MAD1L1: variants seen among roughly 807,000 people sequenced by gnomAD.
The protein encoded by MAD1L1 is mitotic spindle assembly checkpoint protein MAD1.
In MAD1L1, 95 loss-of-function variants were observed where a neutral mutation model predicts 96.9. That is an observed-to-expected ratio of 0.98 (90% CI 0.83 to 1.16). The LOEUF (loss-of-function observed/expected upper bound fraction) is 1.16, where lower values mean the gene tolerates loss of function less well. MAD1L1 is among the 50% of genes most tolerant of loss of function. The probability of loss-of-function intolerance (pLI) is 0.00; values close to 1 mark genes in which losing one functional copy is unlikely to be tolerated. For missense variants in MAD1L1, 1,007 were observed against 954.4 expected, an observed-to-expected ratio of 1.06 and a Z score of -0.73; for synonymous variants, 473 against 396.6, an observed-to-expected ratio of 1.19 and a Z score of -2.29.
chr7:2,185,708 G>A (rs1453820816), intron 10 of MAD1L1, among the ~76,000 whole-genome samples: 3 of 152,096 alleles, frequency 2.0e-5, no homozygotes, highest in Non-Finnish European at 2.9e-5. Context: ...ATCCTGGGAA[G>A]CTAGTGTGAC....
At chr7:2,190,532 G>A (rs996849498) in intron 10 of MAD1L1, among the ~76,000 whole-genome samples, 3 of 152,124 alleles carry the variant, frequency 2.0e-5, no homozygotes, top group Non-Finnish European at 4.4e-5. Flanking sequence ...AGGAAGCCAC[G>A]TACCGGGAGA....
At chr7:2,117,210 G>A (rs899449850) in intron 11 of MAD1L1, among the ~76,000 whole-genome samples, 4 of 152,212 alleles carry the variant, frequency 2.6e-5, no homozygotes, top group African/African-American at 7.2e-5. Context: ...GGGGGCCACC[G>A]TCAGGGAGGA....
At chr7:1,909,614 C>T (rs1455061573) in intron 17 of MAD1L1, among the ~76,000 whole-genome samples, 3 of 152,190 alleles carry the variant, frequency 2.0e-5, no homozygotes, top group Non-Finnish European at 4.4e-5. Flanking sequence ...CCCACAGCGC[C>T]CCACCTGGCT....
Position 1,887,532 on chromosome 7 carries a change from C to CGTGT in MAD1L1, c.1998+10667_1998+10668insACAC, listed in dbSNP as rs1423318435. Among the ~76,000 whole-genome samples the CGTGT allele has an allele frequency of 2.6e-4, 35 of 133,376 alleles. 1 individual carries two copies. The highest frequency in any genetic ancestry group is 1.0e-3 in the African/African-American group (35 of 34,396). 87.5% of individuals were successfully genotyped at this position (133,376 alleles called of 152,430 possible). A position where few individuals can be genotyped will look rare whatever the true frequency, so the allele number is the denominator to read the frequency against. On this transcript the variant is annotated intron_variant, in intron 18 of 18. Transcript: ENST00000265854. The stretch of plus-strand genomic sequence containing the variant: ...GTGGCTGCCTGTGCGTGTGTGTCTG[C>CGTGT]ATGTGGCTGCCTGTGCATGTGTGCA...
chr7:1,828,846 G>C (rs1353390482), intron 18 of MAD1L1, among the ~76,000 whole-genome samples: 6 of 152,116 alleles, frequency 3.9e-5, no homozygotes, highest in African/African-American at 1.4e-4. Flanking sequence ...CTGTAACTTT[G>C]CTCCATATGC....
intron 11 of MAD1L1, among the ~76,000 whole-genome samples, chr7:2,099,240 G>C (rs1786654946): frequency 6.6e-6 from 1 of 152,236 alleles, no homozygotes; most frequent in Admixed American, 6.5e-5. Context: ...GCCACAGCCT[G>C]TCTCACCTGG....
intron 15 of MAD1L1, among the ~76,000 whole-genome samples, chr7:1,967,556 C>A (rs1780218932): frequency 6.6e-6 from 1 of 152,174 alleles, no homozygotes; most frequent in Admixed American, 6.5e-5. Context: ...AGAAGCAGTG[C>A]CGTCCCAGGA....
At chr7:2,018,468 G>A (rs770163828) in intron 12 of MAD1L1, among the ~76,000 whole-genome samples, 20 of 152,250 alleles carry the variant, frequency 1.3e-4, no homozygotes, top group Admixed American at 6.5e-4. Flanking sequence ...GCAGGCAGGT[G>A]GGGCAGGCGC....
At chr7:1,902,753 A>G (rs1476936644) in intron 17 of MAD1L1, among the ~76,000 whole-genome samples, 2 of 152,198 alleles carry the variant, frequency 1.3e-5, no homozygotes, top group Non-Finnish European at 2.9e-5. Context: ...CCGTTCCAGA[A>G]AGCAAGGACG....
chr7:1,999,842 C>T (rs973825463), intron 14 of MAD1L1, among the ~76,000 whole-genome samples: 1 of 152,232 alleles, frequency 6.6e-6, no homozygotes, highest in Non-Finnish European at 1.5e-5. Context: ...CTCTGCTCCC[C>T]TTCCGGGTCT....
chr7:1,931,318 C>A (rs945902294), intron 17 of MAD1L1, among the ~76,000 whole-genome samples: 2 of 152,250 alleles, frequency 1.3e-5, no homozygotes, highest in Admixed American at 6.5e-5. Flanking sequence ...GCGGGCACAC[C>A]CTTGCTCCTC....
At chr7:1,906,058 A>G (rs1408349696) in intron 17 of MAD1L1, among the ~76,000 whole-genome samples, 1 of 150,972 alleles carries the variant, frequency 6.6e-6, no homozygotes, top group Admixed American at 6.6e-5. Flanking sequence ...TCAAAAAAAA[A>G]AAAAAAAAAA....
At chr7:1,833,496 G>C (rs1782803874) in intron 18 of MAD1L1, among the ~76,000 whole-genome samples, 1 of 152,204 alleles carries the variant, frequency 6.6e-6, no homozygotes, top group Non-Finnish European at 1.5e-5. Context: ...AAATTGGCAA[G>C]GATATAAAAG....
At chr7:2,169,602 G>T (rs1317819491) in intron 10 of MAD1L1, among the ~76,000 whole-genome samples, 3 of 152,236 alleles carry the variant, frequency 2.0e-5, no homozygotes, top group Non-Finnish European at 2.9e-5. Flanking sequence ...CGCGCTGCGT[G>T]CAATTAACAG....
chr7:2,001,137 G>A (rs895803933), intron 14 of MAD1L1, among the ~76,000 whole-genome samples: 2 of 152,246 alleles, frequency 1.3e-5, no homozygotes, highest in East Asian at 1.9e-4. Flanking sequence ...CCAGGACACC[G>A]GCTCACAGTC....
At chr7:1,820,946 T>C (rs1377147684) in intron 18 of MAD1L1, among the ~76,000 whole-genome samples, 1 of 151,656 alleles carries the variant, frequency 6.6e-6, no homozygotes, top group Non-Finnish European at 1.5e-5. Flanking sequence ...CCGGGTGTGG[T>C]GGCGGGTGCC....
In MAD1L1 at chr7:1,862,599, T is replaced by C. The variant is rs180859190; in HGVS notation, c.1998+35601A>G. ...GTTCATCAGATCCACTCAGGGGGCATTGCTGGAGGCTGAGGGCATCGGCCC... is the reference window on the plus strand; with the variant it reads ...GTTCATCAGATCCACTCAGGGGGCACTGCTGGAGGCTGAGGGCATCGGCCC... On this transcript the variant is annotated intron_variant, in intron 18 of 18. Coordinates refer to ENST00000265854, the MANE Select transcript of MAD1L1 (RefSeq NM_001013836.2). Among the ~76,000 whole-genome samples the C allele has an allele frequency of 2.2e-4, 33 of 152,372 alleles. No individual in the cohort carries two copies. The East Asian group carries it at 4.6e-3, about 21-fold the overall frequency.
At chr7:2,067,669 C>A (rs1784942727) in intron 12 of MAD1L1, among the ~76,000 whole-genome samples, 1 of 152,392 alleles carries the variant, frequency 6.6e-6, no homozygotes, top group East Asian at 1.9e-4. Context: ...TGGGCCCAAG[C>A]CGCTGTCTCC....
intron 18 of MAD1L1, among the ~76,000 whole-genome samples, chr7:1,888,317 T>C (rs1156476031): frequency 9.5e-5 from 12 of 126,922 alleles, no homozygotes; most frequent in African/African-American, 1.4e-4. Context: ...ACTGCCTATG[T>C]GTGTGTGTGC....
Sources: gnomAD v4.1 joint callset for allele counts (sites outside exome capture counted in the v4.1 genomes callset) on GRCh38, gnomAD v4.1.1 for gene constraint, MANE v1.5 for transcripts, NCBI Gene and HGNC (gene_info 2026-07-23, HGNC 2026-07-21) for gene names.